The following FLVCR1 variants were observed in gnomAD, a reference collection of about 807,000 sequenced individuals.
FLVCR1 encodes choline/ethanolamine transporter FLVCR1.
Under a neutral mutation model 53.6 loss-of-function variants are expected in FLVCR1, and 34 were observed. The ratio of observed to expected loss-of-function variants is 0.63; its 90% CI spans 0.48 to 0.84. The LOEUF (loss-of-function observed/expected upper bound fraction) is 0.84, where lower values mean the gene tolerates loss of function less well. FLVCR1 is among the 40% of genes least tolerant of loss of function. FLVCR1 has a pLI of 0.00. For missense variants in FLVCR1, 677 were observed against 696.7 expected (o/e 0.97, Z 0.32); for synonymous variants, 300 against 286.3 (o/e 1.05, Z -0.48).
At chr1:212,869,923 A>G (rs1322689756) in intron 2 of FLVCR1, 1 of 152,234 alleles carries the variant, frequency 6.6e-6, no homozygotes, top group Non-Finnish European at 1.5e-5. Context: ...AAAAAGTAAG[A>G]GACTTAAGAT....
intron 3 of FLVCR1, among the ~76,000 whole-genome samples, chr1:212,877,283 A>G (rs1315794942): frequency 2.0e-5 from 3 of 151,918 alleles, no homozygotes; most frequent in Non-Finnish European, 4.4e-5. Flanking sequence ...ATATTTTAAT[A>G]TAAACAATAG....
chr1:212,872,070 A>G (rs372103888), intron 2 of FLVCR1, among the ~76,000 whole-genome samples: 3 of 152,150 alleles, frequency 2.0e-5, no homozygotes, highest in Non-Finnish European at 2.9e-5. Context: ...TAAAAGTTCA[A>G]TAGTATATTG....
At chr1:212,880,719 G>A (rs1244727090) in intron 3 of FLVCR1, among the ~76,000 whole-genome samples, 1 of 151,064 alleles carries the variant, frequency 6.6e-6, no homozygotes, top group South Asian at 2.1e-4. Flanking sequence ...AATCACTTGA[G>A]CCTGGCAGAT....
At chr1:212,880,187 A>C (rs958217998) in intron 3 of FLVCR1, among the ~76,000 whole-genome samples, 11 of 152,158 alleles carry the variant, frequency 7.2e-5, no homozygotes, top group African/African-American at 2.7e-4. Flanking sequence ...AACAAAGGCC[A>C]GTTACCCAGG....
Position 212,878,533 on chromosome 1 carries a change from CA to C in FLVCR1, c.1025-4817del, listed in dbSNP as rs58243050. 3.3e-3 allele frequency among the ~76,000 whole-genome samples: 374 copies of C among 112,796 alleles called. 4 individuals carry two copies. The highest frequency in any genetic ancestry group is 4.4e-3 in the Non-Finnish European group (253 of 57,184). 74.0% of individuals were successfully genotyped at this position (112,796 alleles called of 152,430 possible). ...TGGGCGACAGAGTGAGTCTCCGTCT[CA>C]AAAAAAAAAAAAAAAAAAAATACAA... On this transcript the variant is annotated intron_variant, in intron 3 of 9. Coordinates refer to ENST00000366971, the MANE Select transcript of FLVCR1 (RefSeq NM_014053.4).
rs138957316 is a variant in FLVCR1, at chr1:212,867,287, A to G, written c.883+3418A>G. Among the ~76,000 whole-genome samples the G allele has an allele frequency of 3.9e-5, 6 of 152,308 alleles. No individual in the cohort carries two copies. In the East Asian group the frequency reaches 9.6e-4, roughly 24 times the overall value. ...CCACTGAATTTCACACTAATACCCT[A>G]TTCCTATTAGGAGAACTCTATTATA... On this transcript the variant is annotated intron_variant, in intron 2 of 9. Transcript: ENST00000366971.
At chr1:212,870,205 TCTC>T (rs1439216624) in intron 2 of FLVCR1, 1 of 152,212 alleles carries the variant, frequency 6.6e-6, no homozygotes, top group Non-Finnish European at 1.5e-5. Context: ...ATGAGTTATA[TCTC>T]CTCTTTAATT....
At position 212,865,485 on chromosome 1, in the gene FLVCR1, A is replaced by AT. The variant is rs58544929; in HGVS notation, c.883+1631dup. On this transcript the variant is annotated intron_variant, in intron 2 of 9. Transcript: ENST00000366971. ...AATGGACCTTCCATTTGCAATAGGG[A>AT]TTTTTTTTTTTTTTTGAGACAGAGT... 2.8e-4 allele frequency among the ~76,000 whole-genome samples: 37 copies of AT among 133,698 alleles called. 1 individual carries two copies. Among genetic ancestry groups the AT allele is most frequent in the Middle Eastern group, 3.9e-3 (1 of 258 alleles). 87.7% of individuals were successfully genotyped at this position (133,698 alleles called of 152,430 possible). A position where few individuals can be genotyped will look rare whatever the true frequency, so the allele number is the denominator to read the frequency against.
intron 8 of FLVCR1, among the ~76,000 whole-genome samples, chr1:212,892,556 T>A (rs1270863549): frequency 6.6e-6 from 1 of 152,182 alleles, no homozygotes; most frequent in African/African-American, 2.4e-5. Context: ...AACATTCCTT[T>A]CAAAATACTA....
At position 212,899,135 on chromosome 1, in the gene FLVCR1, T is replaced by C. The variant is rs1299063964; in HGVS notation, c.*3845T>C. On this transcript the variant is annotated 3_prime_UTR_variant, in exon 10 of 10. Transcript: ENST00000366971. ...AAGAAACTGGATGTTTCAAAAGCTG[T>C]TGCATTTATTACAAATGTCACAAAT... 6.6e-6 allele frequency: 1 copy of C among 152,256 alleles called. No individual in the cohort carries two copies. Among genetic ancestry groups the C allele is most frequent in the Non-Finnish European group, 1.5e-5 (1 of 68,044 alleles). The allele number at this position is 152,256 out of a possible 1,614,324, so 9.4% of individuals were successfully genotyped here. A position where few individuals can be genotyped will look rare whatever the true frequency, so the allele number is the denominator to read the frequency against.
At chr1:212,865,847 G>A (rs1456870352) in intron 2 of FLVCR1, among the ~76,000 whole-genome samples, 5 of 143,832 alleles carry the variant, frequency 3.5e-5, no homozygotes, top group African/African-American at 1.0e-4. Flanking sequence ...ACGGAGTCTC[G>A]CTCTGTCACC....
intron 5 of FLVCR1, among the ~76,000 whole-genome samples, chr1:212,886,326 A>C (rs1665064119): frequency 6.6e-6 from 1 of 152,136 alleles, no homozygotes; most frequent in Admixed American, 6.5e-5. Flanking sequence ...TACAGGCATG[A>C]GCCACTGCAC....
Position 212,888,057 on chromosome 1 carries a change from A to G in FLVCR1, c.1307+56A>G, listed in dbSNP as rs41300967. On this transcript the variant is annotated intron_variant, in intron 6 of 9. Coordinates refer to ENST00000366971, the MANE Select transcript of FLVCR1 (RefSeq NM_014053.4). ...TAGCATGCTGTTATAATTCTGAAGT[A>G]TTATTACTCTGGTCTTTAATTTTTT... 1.2e-3 allele frequency: 1,267 copies of G among 1,025,430 alleles called. 13 individuals are homozygous for G. In the African/African-American group the frequency reaches 0.018, roughly 14 times the overall value. 63.5% of individuals were successfully genotyped at this position (1,025,430 alleles called of 1,614,324 possible). A position where few individuals can be genotyped will look rare whatever the true frequency, so the allele number is the denominator to read the frequency against.
rs41296720 is a variant in FLVCR1 at position 212,864,071 on chromosome 1, T to C, written c.883+202T>C. Among the ~76,000 whole-genome samples, 768 of 152,252 alleles carry C rather than the reference T, an allele frequency of 5.0e-3. 5 individuals carry two copies. Among genetic ancestry groups the C allele is most frequent in the African/African-American group, 0.018 (729 of 41,548 alleles). ...ACATTTATTTTCACATTGTGAAGGG[T>C]TTGAAGACTAATTCATTTATCCCTC... is the stretch of plus-strand genomic sequence containing the variant. On this transcript the variant is annotated intron_variant, in intron 2 of 9. Coordinates refer to ENST00000366971, the MANE Select transcript of FLVCR1 (RefSeq NM_014053.4).
At chr1:212,892,094 G>A (rs1176645551) in intron 8 of FLVCR1, among the ~76,000 whole-genome samples, 1 of 152,236 alleles carries the variant, frequency 6.6e-6, no homozygotes, top group African/African-American at 2.4e-5. Flanking sequence ...CATGAGGTAA[G>A]GAAAGAAGTT....
chr1:212,893,335 G>A (rs1665248125), intron 8 of FLVCR1, among the ~76,000 whole-genome samples: 1 of 152,096 alleles, frequency 6.6e-6, no homozygotes, highest in Non-Finnish European at 1.5e-5. Context: ...GATTACAGGT[G>A]TCAGCCACTG....
At chr1:212,894,905 A>G in intron 8 of FLVCR1, 81 bp from the exon 9 acceptor site, 1 of 913,644 alleles carries the variant, frequency 1.1e-6, no homozygotes, top group Non-Finnish European at 1.9e-6. Context: ...AAATTTGACA[A>G]TACCAAGAAA....
Position 212,895,295 on chromosome 1 carries a change from A to G in FLVCR1, c.*5A>G. 1.2e-6 allele frequency: 2 copies of G among 1,608,924 alleles called. No homozygotes were observed. The highest frequency in any genetic ancestry group is 1.1e-5 in the South Asian group (1 of 90,984). The stretch of plus-strand genomic sequence containing the variant: ...CAGTCAGAATCAGCAATTTGAAGAG[A>G]AAGGCAAAGTTACTGTCCTGTAGTA... On this transcript the variant is annotated 3_prime_UTR_variant, in exon 10 of 10. Transcript: ENST00000366971.
At chr1:212,863,575 T>G (rs1424677858) in intron 1 of FLVCR1, 150 bp from the exon 2 acceptor site, 2 of 670,280 alleles carry the variant, frequency 3.0e-6, no homozygotes, top group African/African-American at 3.7e-5. Context: ...GGAGACAGAC[T>G]TTGTCTCAAA....
Sources: gnomAD v4.1 joint callset for allele counts (sites outside exome capture counted in the v4.1 genomes callset) on GRCh38, gnomAD v4.1.1 for gene constraint, MANE v1.5 for transcripts, NCBI Gene and HGNC (gene_info 2026-07-23, HGNC 2026-07-21) for gene names.